RGS22: variants seen among roughly 807,000 people sequenced by gnomAD.
The protein encoded by RGS22 is regulator of G protein signaling 22.
RGS22 carries 148 observed loss-of-function variants against 172.9 expected under a neutral mutation model. The ratio of observed to expected loss-of-function variants is 0.86; its 90% CI spans 0.75 to 0.98. The LOEUF is 0.98. Ranked by LOEUF, RGS22 falls within the 50% of genes least tolerant of loss-of-function variation. RGS22 has a pLI of 0.00. For missense variants in RGS22, 1,347 were observed against 1,440.8 expected, an observed-to-expected ratio of 0.93 and a Z score of 1.05; for synonymous variants, 458 against 480.2, an observed-to-expected ratio of 0.95 and a Z score of 0.60.
chr8:100,056,515 G>A (rs1822270436), intron 9 of RGS22, among the ~76,000 whole-genome samples: 1 of 152,146 alleles, frequency 6.6e-6, no homozygotes, highest in Non-Finnish European at 1.5e-5. Flanking sequence ...GTTTTTGTGG[G>A]CTGGGGCCCA....
rs775442553 is a variant in RGS22, at chr8:99,987,485, G to A, written c.3153C>T (p.Leu1051=). 1 of 1,610,284 alleles carries A rather than the reference G, an allele frequency of 6.2e-7. No individual in the cohort carries two copies. Among genetic ancestry groups the A allele is most frequent in the Admixed American group, 1.7e-5 (1 of 59,772 alleles). Reference sequence around the variant, plus strand: ...TATATTTTTGTACTTCTTGCCAAAAGAGTAAACCATTTTCCAATAAATCTC... The same window carrying A: ...TATATTTTTGTACTTCTTGCCAAAAAAGTAAACCATTTTCCAATAAATCTC... ...LKGDLLENGL[L]FWQEVQKYKD... Residue 1051 remains leucine, a synonymous_variant, in exon 21 of 28, where the codon CTC becomes CTT. Coordinates refer to ENST00000360863, the MANE Select transcript of RGS22 (RefSeq NM_015668.5).
chr8:100,032,144 C>A (rs931921477), intron 14 of RGS22, among the ~76,000 whole-genome samples: 6 of 152,154 alleles, frequency 3.9e-5, no homozygotes, highest in Non-Finnish European at 8.8e-5. Context: ...ATCATAATCA[C>A]AGGATCAAAT....
At chr8:99,985,273 T>C (rs1445132831) in intron 21 of RGS22, among the ~76,000 whole-genome samples, 1 of 152,222 alleles carries the variant, frequency 6.6e-6, no homozygotes, top group East Asian at 1.9e-4. Flanking sequence ...AATAAATTCA[T>C]TATTACATGA....
chr8:100,098,901 ATTTTAT>A (rs1813236888), intron 2 of RGS22, among the ~76,000 whole-genome samples: 1 of 57,930 alleles, frequency 1.7e-5, no homozygotes, highest in Non-Finnish European at 3.6e-5. Flanking sequence ...ATTTTATTTT[ATTTTAT>A]TTTATTTTAT....
At chr8:100,080,461 C>A in intron 3 of RGS22, 106 bp from the exon 4 acceptor site, 1 of 763,138 alleles carries the variant, frequency 1.3e-6, no homozygotes. Context: ...TCACAGAGTT[C>A]TGTGTTTGTA....
Position 100,064,005 on chromosome 8 carries a change from T to G in RGS22, c.763A>C (p.Lys255Gln). The change falls in exon 8 of 28, where the codon AAA (lysine) becomes CAA (glutamine). Residue 255 changes from lysine (K) to glutamine (Q), a missense_variant. Coordinates refer to ENST00000360863, the MANE Select transcript of RGS22 (RefSeq NM_015668.5). ...TTGTTGGTTTTAGATGGGTCCTTTT[T>G]TGTCCTAGGGTGAACTCCATCATCA... The part of the protein sequence containing the change: ...IFDDGVHPRT[K>Q]KDPSKTNKLI... 1 of 1,541,842 alleles carries G rather than the reference T, an allele frequency of 6.5e-7. No individual in the cohort carries two copies. The highest frequency in any genetic ancestry group is 8.7e-7 in the Non-Finnish European group (1 of 1,149,632).
intron 14 of RGS22, among the ~76,000 whole-genome samples, chr8:100,036,746 A>C (rs906692794): frequency 6.6e-6 from 1 of 151,442 alleles, no homozygotes; most frequent in Non-Finnish European, 1.5e-5. Flanking sequence ...CTACAGGTGC[A>C]CATCACTATG....
At chr8:99,989,905 T>TATAG (rs112953671) in intron 20 of RGS22, among the ~76,000 whole-genome samples, 14 of 144,552 alleles carry the variant, frequency 9.7e-5, no homozygotes, top group East Asian at 2.0e-4. Flanking sequence ...GATAGATAGA[T>TATAG]ATAGATAGAT....
At chr8:100,040,192 A>C in intron 12 of RGS22, 105 bp from the exon 13 acceptor site, 2 of 986,722 alleles carry the variant, frequency 2.0e-6, no homozygotes, top group Admixed American at 2.7e-5. Flanking sequence ...TCATTTTCCC[A>C]CTGGACTATT....
At chr8:100,053,906 T>G (rs1013717613) in intron 9 of RGS22, among the ~76,000 whole-genome samples, 2 of 152,178 alleles carry the variant, frequency 1.3e-5, no homozygotes, top group Non-Finnish European at 1.5e-5. Context: ...AGTGCTGGGA[T>G]TACAGGCGTG....
chr8:100,017,586 A>G (rs1817138542), intron 14 of RGS22, among the ~76,000 whole-genome samples: 1 of 152,186 alleles, frequency 6.6e-6, no homozygotes, highest in African/African-American at 2.4e-5. Context: ...TAAGTGGATA[A>G]CTAACAACTG....
At chr8:99,980,888 T>A (rs1408578064) in intron 22 of RGS22, among the ~76,000 whole-genome samples, 1 of 152,196 alleles carries the variant, frequency 6.6e-6, no homozygotes, top group Non-Finnish European at 1.5e-5. Flanking sequence ...TAACAGATAT[T>A]ACCATTCTGA....
intron 14 of RGS22, among the ~76,000 whole-genome samples, chr8:100,037,924 A>G (rs932920231): frequency 1.3e-5 from 2 of 152,202 alleles, no homozygotes; most frequent in Non-Finnish European, 2.9e-5. Flanking sequence ...TCTCACAGTA[A>G]AAAGTACAAA....
Position 100,051,767 on chromosome 8 carries a change from AT to A in RGS22, c.1689+1034del, listed in dbSNP as rs1821519130. Among the ~76,000 whole-genome samples, 3 of 74,924 alleles carry A rather than the reference AT, an allele frequency of 4.0e-5. 1 individual carries two copies. The South Asian group carries it at 1.3e-3, about 33-fold the overall frequency. The allele number at this position is 74,924 out of a possible 152,430, so 49.2% of individuals were successfully genotyped here. ...TATATATTTATATATTTATATATAA[AT>A]GTTTATATATATTTATATATAAATA... is the stretch of plus-strand genomic sequence containing the variant. On this transcript the variant is annotated intron_variant, in intron 10 of 27. Coordinates refer to ENST00000360863, the MANE Select transcript of RGS22 (RefSeq NM_015668.5).
At chr8:99,966,293 A>T (rs1810724005) in intron 23 of RGS22, among the ~76,000 whole-genome samples, 1 of 152,164 alleles carries the variant, frequency 6.6e-6, no homozygotes, top group South Asian at 2.1e-4. Flanking sequence ...GGTGGGAGGC[A>T]AGTGAACGAT....
chr8:100,082,428 G>A (rs1373191355), intron 3 of RGS22, among the ~76,000 whole-genome samples: 2 of 152,056 alleles, frequency 1.3e-5, no homozygotes, highest in African/African-American at 2.4e-5. Context: ...TGCTCCCTTC[G>A]TGTCCATGTG....
intron 14 of RGS22, among the ~76,000 whole-genome samples, chr8:100,009,870 T>C (rs1816181173): frequency 1.3e-5 from 2 of 152,210 alleles, no homozygotes; most frequent in African/African-American, 4.8e-5. Flanking sequence ...GTGCTATGTA[T>C]GTAAAGATTA....
chr8:100,014,471 C>G (rs1457057010), intron 14 of RGS22, among the ~76,000 whole-genome samples: 1 of 152,190 alleles, frequency 6.6e-6, no homozygotes, highest in East Asian at 1.9e-4. Flanking sequence ...ACAATGAACT[C>G]AAAGATCACT....
At chr8:99,984,105 G>A (rs779854271) in intron 21 of RGS22, among the ~76,000 whole-genome samples, 1 of 152,056 alleles carries the variant, frequency 6.6e-6, no homozygotes, top group Non-Finnish European at 1.5e-5. Context: ...GCAACATGGT[G>A]AAACTCTGTC....
Sources: allele counts gnomAD v4.1 joint callset (sites outside exome capture counted in the v4.1 genomes callset), GRCh38; gene constraint gnomAD v4.1.1; transcripts MANE v1.5; gene names NCBI Gene and HGNC (gene_info 2026-07-23, HGNC 2026-07-21).